The following KNL1 variants were observed in gnomAD, a reference collection of about 807,000 sequenced individuals.
KNL1 encodes the protein outer kinetochore KNL1 complex subunit KNL1.
KNL1 carries 66 observed loss-of-function variants against 201.3 expected under a neutral mutation model. The ratio of observed to expected loss-of-function variants is 0.33; its 90% CI spans 0.27 to 0.40. KNL1 has a LOEUF of 0.40. Among genes scored for constraint, KNL1 ranks in the 10% least tolerant of loss-of-function variants. The pLI is 1.00. For missense variants in KNL1, 2,815 were observed against 2,690.5 expected (o/e 1.05, Z -1.02); for synonymous variants, 895 against 899.2 (o/e 1.00, Z 0.08).
chr15:40,624,139 C>A lies in KNL1; in HGVS notation c.3875C>A (p.Ala1292Glu). Residue 1292 changes from alanine to glutamate, a missense_variant, in exon 10 of 26, where the codon GCA becomes GAA. Coordinates refer to ENST00000399668, the MANE Select transcript of KNL1 (RefSeq NM_144508.5). ...AATGTGGACTTTACAAGTAGTCATG[C>A]AACTGCTGTTTGTGGATCCAGTGAT... is the stretch of plus-strand genomic sequence containing the variant. ...RRNVDFTSSHATAVCGSSDNY... is the reference protein window; with the variant it reads ...RRNVDFTSSHETAVCGSSDNY... 6.2e-7 allele frequency: 1 copy of A among 1,613,996 alleles called. No homozygotes were observed. The highest frequency in any genetic ancestry group is 1.1e-5 in the South Asian group (1 of 91,078).
At position 40,624,375 on chromosome 15, in the gene KNL1, A is replaced by G. The variant is rs774685797; in HGVS notation, c.4111A>G (p.Ile1371Val). 6.2e-7 allele frequency: 1 copy of G among 1,613,986 alleles called. No homozygotes were observed. The highest frequency in any genetic ancestry group is 8.5e-7 in the Non-Finnish European group (1 of 1,179,896). ...PCPLLEKEEV[I>V]QTSTKGQLDC... The stretch of plus-strand genomic sequence containing the variant: ...TCCTTTGTTAGAGAAGGAAGAAGTT[A>G]TTCAAACCAGTACCAAAGGACAGTT... Residue 1371 changes from isoleucine (I) to valine (V), a missense_variant, in exon 10 of 26, where the codon ATT (isoleucine) becomes GTT (valine). Physicochemically the swap from Ile to Val is conservative, Grantham distance 29. Transcript: ENST00000399668.
chr15:40,661,965 C>T (rs1236428217), intron 25 of KNL1, 109 bp from the exon 26 acceptor site: 27 of 603,448 alleles, frequency 4.5e-5, no homozygotes, highest in Non-Finnish European at 7.5e-5. Context: ...GGCATGAACC[C>T]GGGAGGTGGA....
At chr15:40,645,972 T>G (rs1341004417) in intron 16 of KNL1, among the ~76,000 whole-genome samples, 200 bp downstream of exon 16, 1 of 152,224 alleles carries the variant, frequency 6.6e-6, no homozygotes, top group Non-Finnish European at 1.5e-5. Flanking sequence ...ATTACTAATG[T>G]GGGCCTATGT....
At chr15:40,604,116 T>TC (rs1555418612) in intron 2 of KNL1, among the ~76,000 whole-genome samples, 6 of 149,434 alleles carry the variant, frequency 4.0e-5, no homozygotes, top group Non-Finnish European at 7.4e-5. Context: ...CTGTCTCACA[T>TC]ATCATCATCA....
chr15:40,623,634 G>A lies in KNL1; in HGVS notation c.3370G>A (p.Asp1124Asn). The A allele has an allele frequency of 1.2e-6, 2 of 1,613,794 alleles. No homozygotes were observed. The change falls in exon 10 of 26, where the codon GAT (aspartate) becomes AAT (asparagine). Residue 1124 changes from aspartate to asparagine, a missense_variant. Around this residue, in one of 3 missense-constraint regions of KNL1, gnomAD observed 2,464 missense variants for 2,291.7 expected, o/e 1.08. Transcript: ENST00000399668. The part of the protein sequence containing the change: ...SKTILYSCGQ[D>N]DMEITRSHTT... ...AACTATTTTGTATTCATGTGGGCAG[G>A]ATGACATGGAGATCACTAGGAGTCA...
chr15:40,636,889 T>C (rs1893070695), intron 13 of KNL1, among the ~76,000 whole-genome samples: 1 of 152,154 alleles, frequency 6.6e-6, no homozygotes, highest in Admixed American at 6.6e-5. Context: ...CCCCGCATTA[T>C]TGTGAAGCAA....
chr15:40,630,894 C>A (rs1892894138), intron 13 of KNL1, among the ~76,000 whole-genome samples: 1 of 152,098 alleles, frequency 6.6e-6, no homozygotes, highest in African/African-American at 2.4e-5. Context: ...CCCAGGCAGA[C>A]AGATCGCCTG....
At chr15:40,599,634 C>A (rs942228325) in intron 1 of KNL1, among the ~76,000 whole-genome samples, 1 of 151,970 alleles carries the variant, frequency 6.6e-6, no homozygotes, top group African/African-American at 2.4e-5. Flanking sequence ...CAGCCTGCCT[C>A]GGCTGCCCAA....
At chr15:40,619,789 G>A (rs1050935841) in intron 9 of KNL1, among the ~76,000 whole-genome samples, 4 of 152,092 alleles carry the variant, frequency 2.6e-5, no homozygotes, top group Non-Finnish European at 5.9e-5. Flanking sequence ...ATTCAATATA[G>A]TAATTAGAAT....
intron 19 of KNL1, among the ~76,000 whole-genome samples, chr15:40,650,913 A>C (rs1893536939): frequency 1.3e-5 from 2 of 152,144 alleles, no homozygotes; most frequent in African/African-American, 4.8e-5. Context: ...TGTAAGTGTA[A>C]AAGAAAGTAA....
chr15:40,599,986 G>T (rs1337789892), intron 1 of KNL1, among the ~76,000 whole-genome samples: 2 of 148,854 alleles, frequency 1.3e-5, no homozygotes, highest in Non-Finnish European at 1.5e-5. Flanking sequence ...ACCCAATTTT[G>T]CATTTCTGCA....
At chr15:40,599,401 C>T (rs1473401494) in intron 1 of KNL1, among the ~76,000 whole-genome samples, 2 of 151,204 alleles carry the variant, frequency 1.3e-5, no homozygotes, top group Admixed American at 6.6e-5. Context: ...CCCCACCCCC[C>T]GAGACAGGGT....
At chr15:40,636,130 A>G (rs1893049719) in intron 13 of KNL1, among the ~76,000 whole-genome samples, 1 of 152,134 alleles carries the variant, frequency 6.6e-6, no homozygotes, top group Non-Finnish European at 1.5e-5. Context: ...GAGCCACCGC[A>G]CCCAGCTGGT....
intron 16 of KNL1, among the ~76,000 whole-genome samples, chr15:40,646,395 T>A (rs1893383190): frequency 6.6e-6 from 1 of 152,022 alleles, no homozygotes; most frequent in African/African-American, 2.4e-5. Flanking sequence ...ATTAGTTTTA[T>A]GTCAATATGC....
chr15:40,653,909 T>C (rs1196196615), intron 21 of KNL1, among the ~76,000 whole-genome samples: 1 of 152,184 alleles, frequency 6.6e-6, no homozygotes, highest in East Asian at 1.9e-4. Flanking sequence ...CTACTAATAA[T>C]TGTAAGAGCT....
chr15:40,656,059 T>A (rs1893722198), intron 22 of KNL1, among the ~76,000 whole-genome samples: 1 of 152,226 alleles, frequency 6.6e-6, no homozygotes, highest in Admixed American at 6.5e-5. Flanking sequence ...TCCATGCGAT[T>A]TGTTCCCCAT....
In KNL1 at chr15:40,625,789, G is replaced by A. The variant is rs1332806159; in HGVS notation, c.5376+149G>A. ...TAGAGGGCTGGAGAAATATTCTTAT[G>A]TAGAACCTTCAGAAATTAATTGACT... On this transcript the variant is annotated intron_variant, in intron 10 of 25. Coordinates refer to ENST00000399668, the MANE Select transcript of KNL1 (RefSeq NM_144508.5). The A allele has an allele frequency of 9.9e-6, 6 of 603,840 alleles. No homozygotes were observed. The Middle Eastern group carries it at 1.0e-3, about 102-fold the overall frequency. 37.4% of individuals were successfully genotyped at this position (603,840 alleles called of 1,614,324 possible). A position where few individuals can be genotyped will look rare whatever the true frequency, so the allele number is the denominator to read the frequency against.
chr15:40,651,440 T>C (rs767168197), intron 19 of KNL1, 31 bp from the exon 20 acceptor site: 8 of 1,480,224 alleles, frequency 5.4e-6, no homozygotes, highest in Middle Eastern at 3.9e-4. Flanking sequence ...ACAAAAACCT[T>C]ATCTCTCTGA....
At chr15:40,644,430 T>C (rs762413899) in intron 14 of KNL1, among the ~76,000 whole-genome samples, 1 of 152,242 alleles carries the variant, frequency 6.6e-6, no homozygotes, top group Non-Finnish European at 1.5e-5. Context: ...AGACATTCAG[T>C]TCCCATGGGC....
Sources: allele counts gnomAD v4.1 joint callset (sites outside exome capture counted in the v4.1 genomes callset), GRCh38; gene constraint gnomAD v4.1.1; regional missense constraint gnomAD v4.1.1; transcripts MANE v1.5; gene names NCBI Gene and HGNC (gene_info 2026-07-23, HGNC 2026-07-21).